Variants in FBN2 observed in about 807,000 individuals in gnomAD.
FBN2 encodes the protein fibrillin-2.
Under a neutral mutation model 355.6 loss-of-function variants are expected in FBN2, and 105 were observed. That is an observed-to-expected ratio of 0.30 (90% CI 0.25 to 0.35). The LOEUF (loss-of-function observed/expected upper bound fraction) is 0.35. Ranked by LOEUF, FBN2 falls within the 10% of genes least tolerant of loss-of-function variation. The pLI, the probability that FBN2 is intolerant of heterozygous loss-of-function variation, is 1.00. For missense variants in FBN2, 3,280 were observed against 3,758.7 expected (o/e 0.87, Z 3.33); for synonymous variants, 1,350 against 1,301.2 (o/e 1.04, Z -0.81).
At chr5:128,299,200 C>T in intron 48 of FBN2, among the ~76,000 whole-genome samples, 1 of 151,690 alleles carries the variant, frequency 6.6e-6, no homozygotes, top group Admixed American at 6.6e-5. Flanking sequence ...TCTCAGATCT[C>T]CAGCTGCGTG....
At chr5:128,521,066 C>T (rs1561496363) in intron 4 of FBN2, among the ~76,000 whole-genome samples, 3 of 152,118 alleles carry the variant, frequency 2.0e-5, no homozygotes, top group South Asian at 4.1e-4. Context: ...TACATGTATG[C>T]GTATGTTCAT....
intron 61 of FBN2, 95 bp from the exon 62 acceptor site, chr5:128,272,213 G>GAACA (rs201496958): frequency 1.1e-5 from 15 of 1,396,242 alleles, no homozygotes; most frequent in East Asian, 2.4e-5. Flanking sequence ...GTTATCATGG[G>GAACA]AACAAACAAA....
At chr5:128,524,158 C>T (rs1293866998) in intron 4 of FBN2, among the ~76,000 whole-genome samples, 1 of 152,056 alleles carries the variant, frequency 6.6e-6, no homozygotes, top group Non-Finnish European at 1.5e-5. Flanking sequence ...CTTACGGTTT[C>T]CAAAATACAT....
chr5:128,484,519 G>C lies in FBN2; in HGVS notation c.629-19598C>G, dbSNP rs192787202. Among the ~76,000 whole-genome samples the C allele has an allele frequency of 1.3e-5, 2 of 152,262 alleles. 1 individual carries two copies. The highest frequency in any genetic ancestry group is 2.9e-5 in the Non-Finnish European group (2 of 68,020). The stretch of plus-strand genomic sequence containing the variant: ...ACAGAAAAATATATTTACAGACACA[G>C]AAGAGAATACAAATGGTTGGTAAGT... On this transcript the variant is annotated intron_variant, in intron 5 of 64. Transcript: ENST00000262464.
In FBN2 at chr5:128,361,829, T is replaced by G; in HGVS notation, c.2448A>C (p.Val816=). The part of the protein sequence containing the change: ...RNCIDIDECL[V]NRLLCDNGLC... ...ATCCGTTATCACAAAGCAGTCTGTT[T>G]ACTAAACATTCATCAATGTCTGAAA... The change falls in exon 19 of 65, where the codon GTA becomes GTC. Residue 816 remains valine (V), a synonymous_variant. Transcript: ENST00000262464. 1 of 1,614,124 alleles carries G rather than the reference T, an allele frequency of 6.2e-7. No homozygotes were observed. The highest frequency in any genetic ancestry group is 1.1e-5 in the South Asian group (1 of 91,080).
chr5:128,436,423 A>C (rs543227646), intron 7 of FBN2, among the ~76,000 whole-genome samples: 1 of 152,282 alleles, frequency 6.6e-6, no homozygotes, highest in Admixed American at 6.5e-5. Flanking sequence ...TTAACTGTTG[A>C]TATATATTCT....
chr5:128,424,063 G>C (rs1753422407), intron 7 of FBN2, among the ~76,000 whole-genome samples: 1 of 152,068 alleles, frequency 6.6e-6, no homozygotes, highest in Non-Finnish European at 1.5e-5. Flanking sequence ...ACGTGGGGTG[G>C]GTGTAGTGGA....
At chr5:128,449,713 T>C (rs981834963) in intron 6 of FBN2, among the ~76,000 whole-genome samples, 1 of 151,708 alleles carries the variant, frequency 6.6e-6, no homozygotes, top group African/African-American at 2.4e-5. Context: ...TTGATAATCA[T>C]ATGAGATGTC....
At chr5:128,471,182 C>T (rs1465327603) in intron 5 of FBN2, among the ~76,000 whole-genome samples, 1 of 152,008 alleles carries the variant, frequency 6.6e-6, no homozygotes, top group Non-Finnish European at 1.5e-5. Flanking sequence ...TCTAAGGATC[C>T]TGGCTAGGTG....
At chr5:128,521,776 C>T (rs1026278953) in intron 4 of FBN2, among the ~76,000 whole-genome samples, 1 of 152,130 alleles carries the variant, frequency 6.6e-6, no homozygotes, top group Non-Finnish European at 1.5e-5. Flanking sequence ...GGAGGAAGGG[C>T]TTCTCCCACG....
chr5:128,466,574 A>T (rs778951870), intron 5 of FBN2, among the ~76,000 whole-genome samples: 14 of 152,226 alleles, frequency 9.2e-5, no homozygotes, highest in Non-Finnish European at 1.6e-4. Flanking sequence ...TAAAACTTCG[A>T]TTTGCTTTAA....
At chr5:128,335,715 G>T in intron 28 of FBN2, 138 bp from the exon 29 acceptor site, 1 of 1,108,928 alleles carries the variant, frequency 9.0e-7, no homozygotes, top group Non-Finnish European at 1.4e-6. Flanking sequence ...ATCTTTCTTA[G>T]TTCTTTCACC....
At chr5:128,461,377 A>G (rs1260038817) in intron 6 of FBN2, among the ~76,000 whole-genome samples, 2 of 152,198 alleles carry the variant, frequency 1.3e-5, no homozygotes, top group Non-Finnish European at 2.9e-5. Context: ...CTGTGGAGAA[A>G]TAAGAATGCT....
chr5:128,511,708 C>T (rs910961799), intron 5 of FBN2, among the ~76,000 whole-genome samples: 1 of 152,170 alleles, frequency 6.6e-6, no homozygotes, highest in African/African-American at 2.4e-5. Flanking sequence ...ACAGGACAGA[C>T]TGCCTTAGTT....
intron 55 of FBN2, among the ~76,000 whole-genome samples, chr5:128,282,714 A>G (rs1346560380): frequency 6.6e-6 from 1 of 152,122 alleles, no homozygotes; most frequent in Non-Finnish European, 1.5e-5. Context: ...ATGTTGCTCT[A>G]CCTAAATAAT....
At chr5:128,494,161 C>T (rs1336846778) in intron 5 of FBN2, among the ~76,000 whole-genome samples, 1 of 152,150 alleles carries the variant, frequency 6.6e-6, no homozygotes, top group East Asian at 1.9e-4. Context: ...AGTGTCACTC[C>T]AAGATAGACC....
At chr5:128,456,451 C>T (rs778532456) in intron 6 of FBN2, among the ~76,000 whole-genome samples, 3 of 152,182 alleles carry the variant, frequency 2.0e-5, no homozygotes, top group Non-Finnish European at 4.4e-5. Flanking sequence ...CAAACTGCTT[C>T]ATTAAACGGA....
At position 128,537,717 on chromosome 5, in the gene FBN2, G is replaced by A. The variant is rs934569479; in HGVS notation, c.-114C>T. On this transcript the variant is annotated 5_prime_UTR_variant, in exon 1 of 65. Transcript: ENST00000262464. ...TAATAAGCCCTTCGTCGGCTCCGGG[G>A]ACTCCCTCGGGCTCGGGCTCCCTGC... 14 of 1,058,914 alleles carry A rather than the reference G, an allele frequency of 1.3e-5. No individual in the cohort carries two copies. In the East Asian group the frequency reaches 3.4e-4, roughly 26 times the overall value. The allele number at this position is 1,058,914 out of a possible 1,614,324, so 65.6% of individuals were successfully genotyped here. A position where few individuals can be genotyped will look rare whatever the true frequency, so the allele number is the denominator to read the frequency against.
intron 2 of FBN2, among the ~76,000 whole-genome samples, chr5:128,532,538 C>T (rs1215636466): frequency 6.6e-6 from 1 of 152,166 alleles, no homozygotes; most frequent in Non-Finnish European, 1.5e-5. Context: ...ATGCTCATGC[C>T]ATGACTGGAT....
Sources: gnomAD v4.1 joint callset for allele counts (sites outside exome capture counted in the v4.1 genomes callset) on GRCh38, gnomAD v4.1.1 for gene constraint, MANE v1.5 for transcripts, NCBI Gene and HGNC (gene_info 2026-07-23, HGNC 2026-07-21) for gene names.